Variants in EZH2 observed in about 807,000 individuals in gnomAD.
The protein encoded by EZH2 is enhancer of zeste 2 polycomb repressive complex 2 subunit.
In EZH2, 18 loss-of-function variants were observed where a neutral mutation model predicts 98.4. The observed-to-expected ratio is 0.18, with a 90% CI of 0.13 to 0.27. The LOEUF is 0.27. Ranked by LOEUF, EZH2 falls within the 10% of genes least tolerant of loss-of-function variation. The pLI is 1.00. For missense variants in EZH2, 470 were observed against 935.1 expected, an observed-to-expected ratio of 0.50 and a Z score of 6.49; for synonymous variants, 338 against 312.3, an observed-to-expected ratio of 1.08 and a Z score of -0.87.
Position 148,845,406 on chromosome 7 carries a change from A to G in EZH2, c.246+1064T>C, listed in dbSNP as rs144433158. Reference sequence around the variant, plus strand: ...CTGTATAATCAATATTTATACAATTATAAGTCAGAGCTTTACAGAGGTGTC... The same window carrying G: ...CTGTATAATCAATATTTATACAATTGTAAGTCAGAGCTTTACAGAGGTGTC... On this transcript the variant is annotated intron_variant, in intron 3 of 19. Coordinates refer to ENST00000320356, the MANE Select transcript of EZH2 (RefSeq NM_004456.5). 6.8e-3 allele frequency among the ~76,000 whole-genome samples: 1,029 copies of G among 152,342 alleles called. 10 individuals carry two copies. The highest frequency in any genetic ancestry group is 0.023 in the African/African-American group (964 of 41,580).
chr7:148,860,628 A>G (rs1192217901), intron 1 of EZH2, among the ~76,000 whole-genome samples: 1 of 152,232 alleles, frequency 6.6e-6, no homozygotes, highest in Non-Finnish European at 1.5e-5. Context: ...TTAACATTTA[A>G]CATAATAGAA....
chr7:148,870,020 A>C (rs2129491110), intron 1 of EZH2, among the ~76,000 whole-genome samples: 1 of 152,216 alleles, frequency 6.6e-6, no homozygotes, highest in African/African-American at 2.4e-5. Context: ...CACGAGTTTG[A>C]GACCAGCCTG....
At chr7:148,873,863 A>G (rs934843614) in intron 1 of EZH2, among the ~76,000 whole-genome samples, 4 of 36,510 alleles carry the variant, frequency 1.1e-4, no homozygotes, top group East Asian at 4.8e-4. Context: ...AGGAGAGAGA[A>G]AAAAAAAAAG....
intron 17 of EZH2, among the ~76,000 whole-genome samples, chr7:148,809,744 T>C (rs1802517742): frequency 6.6e-6 from 1 of 152,150 alleles, no homozygotes; most frequent in African/African-American, 2.4e-5. Flanking sequence ...TTTTTCATTA[T>C]AATGTCTATA....
chr7:148,876,538 T>C (rs542156652), intron 1 of EZH2, among the ~76,000 whole-genome samples: 14 of 152,336 alleles, frequency 9.2e-5, no homozygotes, highest in African/African-American at 2.9e-4. Context: ...TTCATAATCT[T>C]GAAAGAGCCA....
intron 1 of EZH2, among the ~76,000 whole-genome samples, chr7:148,863,648 CCTTAAATGA>C (rs535212697): frequency 1.1e-4 from 17 of 152,086 alleles, no homozygotes; most frequent in Non-Finnish European, 2.4e-4. Flanking sequence ...CTTTTTGCTT[CCTTAAATGA>C]CTCTATTGTT....
rs552005681 is a variant in EZH2, at chr7:148,839,169, G to A, written c.247-6419C>T. Among the ~76,000 whole-genome samples, 21 of 152,238 alleles carry A rather than the reference G, an allele frequency of 1.4e-4. 1 individual carries two copies. Among genetic ancestry groups the A allele is most frequent in the Admixed American group, 3.3e-4 (5 of 15,300 alleles). The stretch of plus-strand genomic sequence containing the variant: ...AAGGGAAACACTTCAGGTCTTGCTC[G>A]AGTGGTAGAACTGCCCAGGAAACCA... On this transcript the variant is annotated intron_variant, in intron 3 of 19. Coordinates refer to ENST00000320356, the MANE Select transcript of EZH2 (RefSeq NM_004456.5).
intron 8 of EZH2, chr7:148,821,163 G>A (rs1204725750): frequency 6.6e-6 from 1 of 151,938 alleles, no homozygotes; most frequent in Admixed American, 6.6e-5. Flanking sequence ...TGGATAGAAG[G>A]TAAAACCATT....
intron 1 of EZH2, among the ~76,000 whole-genome samples, chr7:148,852,583 C>T (rs1816028936): frequency 6.6e-6 from 1 of 152,170 alleles, no homozygotes; most frequent in African/African-American, 2.4e-5. Context: ...GACAAGAATG[C>T]TCACTCTTCT....
intron 1 of EZH2, among the ~76,000 whole-genome samples, chr7:148,849,453 C>T (rs1354912693): frequency 1.3e-5 from 2 of 151,950 alleles, no homozygotes; most frequent in Non-Finnish European, 2.9e-5. Context: ...CTGAAGGGAA[C>T]GAAGAGATAA....
intron 1 of EZH2, among the ~76,000 whole-genome samples, chr7:148,874,743 T>C (rs766013302): frequency 1.3e-5 from 2 of 151,954 alleles, no homozygotes; most frequent in African/African-American, 4.8e-5. Context: ...AGAAACCAAG[T>C]ATATATAATC....
rs868860375 is a variant in EZH2 at position 148,817,109 on chromosome 7, G to C, written c.1410+113C>G. 36 of 964,694 alleles carry C rather than the reference G, an allele frequency of 3.7e-5. No homozygotes were observed. In the South Asian group the frequency reaches 6.7e-4, roughly 18 times the overall value. 59.8% of individuals were successfully genotyped at this position (964,694 alleles called of 1,614,324 possible). A position where few individuals can be genotyped will look rare whatever the true frequency, so the allele number is the denominator to read the frequency against. On this transcript the variant is annotated intron_variant, in intron 11 of 19. Coordinates refer to ENST00000320356, the MANE Select transcript of EZH2 (RefSeq NM_004456.5). ...TGGGAAGAAAAAAAAATTATTTTTA[G>C]GAGATGAATAGGAGCTTAGTAATAA...
At chr7:148,812,404 C>T (rs938426597) in intron 15 of EZH2, among the ~76,000 whole-genome samples, 7 of 152,174 alleles carry the variant, frequency 4.6e-5, no homozygotes, top group Admixed American at 6.5e-5. Flanking sequence ...TTTTTCATCA[C>T]GGCTCAGTAT....
At chr7:148,865,119 T>C in intron 1 of EZH2, among the ~76,000 whole-genome samples, 1 of 139,808 alleles carries the variant, frequency 7.2e-6, no homozygotes, top group Non-Finnish European at 1.5e-5. Context: ...AGAGCGAGAC[T>C]TGTCTCAAAA....
intron 1 of EZH2, among the ~76,000 whole-genome samples, chr7:148,872,492 T>C (rs1366983467): frequency 1.3e-5 from 2 of 152,226 alleles, no homozygotes; most frequent in African/African-American, 4.8e-5. Flanking sequence ...ATGGGCTTTT[T>C]ACAATTTTTA....
intron 3 of EZH2, among the ~76,000 whole-genome samples, chr7:148,841,224 A>AT (rs1395591314): frequency 2.6e-5 from 4 of 151,954 alleles, no homozygotes; most frequent in Admixed American, 6.6e-5. Flanking sequence ...TAAAATGCTT[A>AT]TATTAGTTTC....
chr7:148,864,997 G>C (rs1040125171), intron 1 of EZH2, among the ~76,000 whole-genome samples: 4 of 152,066 alleles, frequency 2.6e-5, no homozygotes, highest in Admixed American at 6.5e-5. Flanking sequence ...TATGGTGGCA[G>C]GTGCCTGTGA....
intron 19 of EZH2, 43 bp downstream of exon 19, chr7:148,809,028 G>T (rs377631594): frequency 1.4e-5 from 22 of 1,522,064 alleles, no homozygotes; most frequent in Non-Finnish European, 2.0e-5. Flanking sequence ...CAATCCAGTA[G>T]AAAAAGCCCT....
At position 148,827,591 on chromosome 7, in the gene EZH2, A is replaced by T. The variant is rs570454481; in HGVS notation, c.626-325T>A. Among the ~76,000 whole-genome samples the T allele has an allele frequency of 5.3e-5, 8 of 152,350 alleles. No homozygotes were observed. The South Asian group carries it at 1.7e-3, about 32-fold the overall frequency. ...GGTCTGTTTACTCATCTGTAAAATG[A>T]AGGAGCTGAACTAGATGATCAATAA... On this transcript the variant is annotated intron_variant, in intron 6 of 19. Coordinates refer to ENST00000320356, the MANE Select transcript of EZH2 (RefSeq NM_004456.5).
Sources: gnomAD v4.1 joint callset for allele counts (sites outside exome capture counted in the v4.1 genomes callset) on GRCh38, gnomAD v4.1.1 for gene constraint, MANE v1.5 for transcripts, NCBI Gene and HGNC (gene_info 2026-07-23, HGNC 2026-07-21) for gene names.